Variants in ARHGAP32 observed in about 807,000 individuals in gnomAD.
ARHGAP32 encodes rho GTPase-activating protein 32.
In ARHGAP32, 51 loss-of-function variants were observed where a neutral mutation model predicts 186.5. The observed-to-expected ratio is 0.27, with a 90% CI of 0.22 to 0.35. The LOEUF is 0.35. Ranked by LOEUF, ARHGAP32 falls within the 10% of genes least tolerant of loss-of-function variation. The pLI, the probability that ARHGAP32 is intolerant of heterozygous loss-of-function variation, is 1.00. For synonymous variants in ARHGAP32, 950 were observed against 964.3 expected, an observed-to-expected ratio of 0.99 and a Z score of 0.27; for missense variants, 2,186 against 2,623.5, an observed-to-expected ratio of 0.83 and a Z score of 3.64.
intron 18 of ARHGAP32, among the ~76,000 whole-genome samples, chr11:128,979,926 G>A (rs757755410): frequency 4.6e-5 from 7 of 152,166 alleles, no homozygotes; most frequent in African/African-American, 2.4e-5. Context: ...AGCTGGAAGG[G>A]ACATTGAAAG....
At chr11:129,261,758 TAATC>T (rs1945322980) in intron 1 of ARHGAP32, among the ~76,000 whole-genome samples, 1 of 152,212 alleles carries the variant, frequency 6.6e-6, no homozygotes, top group Admixed American at 6.5e-5. Flanking sequence ...TTTGTTCTGT[TAATC>T]AAAGGTAATT....
intron 1 of ARHGAP32, among the ~76,000 whole-genome samples, chr11:129,228,044 C>CA (rs1944809455): frequency 6.6e-6 from 1 of 151,964 alleles, no homozygotes; most frequent in Non-Finnish European, 1.5e-5. Flanking sequence ...TCTCTAAAAA[C>CA]AATGGAACAA....
At chr11:129,247,005 C>T (rs201552143) in intron 1 of ARHGAP32, among the ~76,000 whole-genome samples, 1 of 148,808 alleles carries the variant, frequency 6.7e-6, no homozygotes, top group African/African-American at 2.5e-5. Context: ...CAGAGTACCT[C>T]TTTTTTCCTC....
At chr11:129,111,593 C>T (rs1256619136) in intron 5 of ARHGAP32, among the ~76,000 whole-genome samples, 2 of 151,980 alleles carry the variant, frequency 1.3e-5, no homozygotes, top group African/African-American at 2.4e-5. Flanking sequence ...TGGTATGTTC[C>T]GGTTTTCTAA....
chr11:129,198,981 C>G (rs900041209), intron 1 of ARHGAP32, among the ~76,000 whole-genome samples: 1 of 152,080 alleles, frequency 6.6e-6, no homozygotes, highest in Admixed American at 6.6e-5. Context: ...TTGTTGGGAA[C>G]CAGAGTAAAG....
chr11:129,218,156 T>A (rs540984265), intron 1 of ARHGAP32, among the ~76,000 whole-genome samples: 2 of 152,216 alleles, frequency 1.3e-5, no homozygotes, highest in Admixed American at 1.3e-4. Context: ...CTTTTAAATA[T>A]CATTTCATGA....
chr11:129,025,659 A>C (rs1390062696), intron 11 of ARHGAP32, among the ~76,000 whole-genome samples: 1 of 151,954 alleles, frequency 6.6e-6, no homozygotes, highest in Non-Finnish European at 1.5e-5. Context: ...GAGAGAGAGG[A>C]AGAAAAAAGA....
chr11:129,073,154 G>A (rs761189683), intron 6 of ARHGAP32, among the ~76,000 whole-genome samples: 15 of 151,984 alleles, frequency 9.9e-5, no homozygotes, highest in South Asian at 8.3e-4. Flanking sequence ...CATTACTAAC[G>A]GGCTATTTAA....
intron 1 of ARHGAP32, among the ~76,000 whole-genome samples, chr11:129,167,014 T>C (rs1400242626): frequency 1.3e-5 from 2 of 152,092 alleles, no homozygotes; most frequent in African/African-American, 4.8e-5. Flanking sequence ...GCAGTCTCTA[T>C]AGTGAACACT....
intron 2 of ARHGAP32, among the ~76,000 whole-genome samples, chr11:129,161,393 T>G (rs1419635754): frequency 5.9e-5 from 9 of 152,146 alleles, no homozygotes; most frequent in South Asian, 2.1e-4. Flanking sequence ...GAGAAAATTT[T>G]TGCAATCTAT....
chr11:129,010,165 T>G (rs971807581), intron 11 of ARHGAP32, among the ~76,000 whole-genome samples: 43 of 152,218 alleles, frequency 2.8e-4, no homozygotes, highest in African/African-American at 8.2e-4. Context: ...CTTGTAAACT[T>G]AAGTTCCCTG....
At chr11:129,119,285 C>T (rs1486367969) in intron 5 of ARHGAP32, among the ~76,000 whole-genome samples, 3 of 151,974 alleles carry the variant, frequency 2.0e-5, no homozygotes, top group Non-Finnish European at 4.4e-5. Flanking sequence ...ACACCAGCAC[C>T]TTTCTCCTCA....
intron 1 of ARHGAP32, among the ~76,000 whole-genome samples, chr11:129,242,816 C>A (rs1945037211): frequency 6.6e-6 from 1 of 150,934 alleles, no homozygotes; most frequent in Non-Finnish European, 1.5e-5. Context: ...TTTGGACACA[C>A]CTCTGTACCA....
chr11:129,016,874 T>G (rs1318134003), intron 11 of ARHGAP32, among the ~76,000 whole-genome samples: 1 of 152,262 alleles, frequency 6.6e-6, no homozygotes, highest in African/African-American at 2.4e-5. Flanking sequence ...ATTTACAATT[T>G]GCTTATGTCC....
intron 1 of ARHGAP32, among the ~76,000 whole-genome samples, chr11:129,241,954 A>G (rs977866966): frequency 1.3e-5 from 2 of 152,204 alleles, no homozygotes; most frequent in Non-Finnish European, 2.9e-5. Context: ...GTAGGGAGGA[A>G]GCTGAAAGAG....
At chr11:129,252,776 C>G (rs1387009662) in intron 1 of ARHGAP32, among the ~76,000 whole-genome samples, 1 of 152,124 alleles carries the variant, frequency 6.6e-6, no homozygotes, top group Non-Finnish European at 1.5e-5. Flanking sequence ...CCTCCTTGTT[C>G]CAATGGAGCT....
Position 129,268,248 on chromosome 11 carries a change from C to G in ARHGAP32, c.-5+10898G>C, listed in dbSNP as rs566416378. On this transcript the variant is annotated intron_variant, in intron 1 of 6. Coordinates refer to the ARHGAP32 transcript ENST00000525234. ...AAAGACTGGTGGGAAGATAAAAGAA[C>G]TAGCCATTTTTCACAGACAGCTAAA... Among the ~76,000 whole-genome samples, 7 of 152,242 alleles carry G rather than the reference C, an allele frequency of 4.6e-5. 1 individual carries two copies. In the South Asian group the frequency reaches 1.2e-3, roughly 27 times the overall value.
At chr11:129,042,196 G>A (rs1035772864) in intron 10 of ARHGAP32, among the ~76,000 whole-genome samples, 2 of 152,096 alleles carry the variant, frequency 1.3e-5, no homozygotes, top group African/African-American at 2.4e-5. Flanking sequence ...TGTCACCCAG[G>A]CTGGAGTGCA....
chr11:129,167,881 C>T (rs894443310), intron 1 of ARHGAP32, among the ~76,000 whole-genome samples: 2 of 152,110 alleles, frequency 1.3e-5, no homozygotes, highest in African/African-American at 4.8e-5. Flanking sequence ...CATGTGAATT[C>T]TTTTAGTTAA....
Sources: allele counts gnomAD v4.1 joint callset (sites outside exome capture counted in the v4.1 genomes callset), GRCh38; gene constraint gnomAD v4.1.1; transcripts MANE v1.5; gene names NCBI Gene and HGNC (gene_info 2026-07-23, HGNC 2026-07-21).